CTCFL: variants seen among roughly 807,000 people sequenced by gnomAD.
CTCFL encodes transcriptional repressor CTCFL.
In CTCFL, 36 loss-of-function variants were observed where a neutral mutation model predicts 67.4. The ratio of observed to expected loss-of-function variants is 0.53; its 90% CI spans 0.41 to 0.71. CTCFL has a LOEUF of 0.71. Among genes scored for constraint, CTCFL ranks in the 30% least tolerant of loss-of-function variants. CTCFL has a pLI of 0.00. For synonymous variants in CTCFL, 324 were observed against 302.3 expected (o/e 1.07, Z -0.75); for missense variants, 786 against 835.2 (o/e 0.94, Z 0.73).
intron 9 of CTCFL, among the ~76,000 whole-genome samples, chr20:57,506,040 T>C (rs1038458144): frequency 1.3e-5 from 2 of 152,200 alleles, no homozygotes; most frequent in African/African-American, 2.4e-5. Context: ...ACTTCTTCCA[T>C]TTTATGCTTA....
intron 7 of CTCFL, chr20:57,513,416 C>A: frequency 1.0e-6 from 1 of 988,618 alleles, no homozygotes; most frequent in South Asian, 4.6e-5. Context: ...AGCTACTCCA[C>A]CTTACCCACA....
chr20:57,510,966 T>A (rs4485614), intron 8 of CTCFL, among the ~76,000 whole-genome samples: 1 of 152,102 alleles, frequency 6.6e-6, no homozygotes, highest in Non-Finnish European at 1.5e-5. Context: ...AGACATGTAG[T>A]TTGAAAAGAG....
At chr20:57,505,301 G>T (rs970976355) in intron 9 of CTCFL, among the ~76,000 whole-genome samples, 3 of 151,550 alleles carry the variant, frequency 2.0e-5, no homozygotes, top group Non-Finnish European at 4.4e-5. Flanking sequence ...TTTCGTCTAG[G>T]CTGGAGTGCA....
downstream of CTCFL, chr20:57,496,234 T>G (rs1443950096): frequency 9.4e-6 from 6 of 636,250 alleles, no homozygotes; most frequent in Non-Finnish European, 1.7e-5. Context: ...CGCCTCCCCC[T>G]CTCTCGCTCC....
downstream of CTCFL, chr20:57,495,973 A>G (rs1353996585): frequency 1.6e-5 from 5 of 307,284 alleles, no homozygotes; most frequent in African/African-American, 2.1e-5. Flanking sequence ...TGCGTTTTCA[A>G]ACATATTTAT....
intron 3 of CTCFL, among the ~76,000 whole-genome samples, chr20:57,522,726 G>A (rs1162815659): frequency 6.6e-6 from 1 of 152,124 alleles, no homozygotes; most frequent in African/African-American, 2.4e-5. Context: ...TCTTGGCCCT[G>A]AAGCACACGA....
chr20:57,500,162 T>TCCACAAAA, intron 10 of CTCFL: 1 of 975,274 alleles, frequency 1.0e-6, no homozygotes, highest in Non-Finnish European at 1.2e-6. Context: ...AACACTGAGA[T>TCCACAAAA]CCACAAAACT....
chr20:57,515,979 GA>G (rs1443648517), intron 5 of CTCFL, 145 bp from the exon 6 acceptor site: 1 of 931,602 alleles, frequency 1.1e-6, no homozygotes, highest in Non-Finnish European at 1.6e-6. Context: ...GAAAAAACAT[GA>G]AAAAGTCATC....
intron 8 of CTCFL, among the ~76,000 whole-genome samples, chr20:57,510,688 C>T (rs185179747): frequency 3.0e-4 from 45 of 152,222 alleles, no homozygotes; most frequent in Non-Finnish European, 4.9e-4. Context: ...ATGGTGAAAC[C>T]CCATCTCTAC....
intron 10 of CTCFL, among the ~76,000 whole-genome samples, chr20:57,499,074 G>GGGGGT (rs2067785145): frequency 4.6e-5 from 1 of 21,758 alleles, no homozygotes; most frequent in East Asian, 1.4e-3. Context: ...TGAAGGTGAC[G>GGGGGT]GGGGGGGGGT....
chr20:57,521,821 A>G (rs2069386991), intron 3 of CTCFL, among the ~76,000 whole-genome samples: 1 of 152,230 alleles, frequency 6.6e-6, no homozygotes, highest in Admixed American at 6.5e-5. Flanking sequence ...TCTAGACACG[A>G]AAGGCACATG....
chr20:57,523,771 C>A lies in CTCFL; in HGVS notation c.435G>T (p.Pro145=), dbSNP rs200989490. 6.2e-7 allele frequency: 1 copy of A among 1,613,260 alleles called. No homozygotes were observed. Among genetic ancestry groups the A allele is most frequent in the Non-Finnish European group, 8.5e-7 (1 of 1,180,042 alleles). The change falls in exon 2 of 11, where the codon CCG becomes CCT. Residue 145 remains proline (P), a synonymous_variant. Coordinates refer to ENST00000243914, the MANE Select transcript of CTCFL (RefSeq NM_001386993.1). The part of the protein sequence containing the change: ...AISIQQELYS[P]QEMEVLQFHA... ...GGAACTGCAACACCTCCATCTCTTG[C>A]GGGGAGTACAGCTCTTGCTGGATAC...
chr20:57,518,390 G>T, intron 5 of CTCFL: 3 of 609,712 alleles, frequency 4.9e-6, no homozygotes, highest in Non-Finnish European at 7.3e-6. Flanking sequence ...AAAAATTTCA[G>T]CCAACATTGA....
chr20:57,511,000 A>G (rs1447665492), intron 8 of CTCFL, among the ~76,000 whole-genome samples: 2 of 152,256 alleles, frequency 1.3e-5, no homozygotes, highest in Admixed American at 6.5e-5. Flanking sequence ...TAGCTCTTCC[A>G]AATAACTGTG....
intron 9 of CTCFL, among the ~76,000 whole-genome samples, chr20:57,505,890 G>A (rs894987664): frequency 3.3e-5 from 5 of 152,222 alleles, no homozygotes; most frequent in African/African-American, 1.2e-4. Context: ...GGCAACAGGT[G>A]TTGAAATTTG....
At chr20:57,511,471 G>A (rs2068548736) in intron 8 of CTCFL, among the ~76,000 whole-genome samples, 1 of 152,086 alleles carries the variant, frequency 6.6e-6, no homozygotes, top group African/African-American at 2.4e-5. Flanking sequence ...GTGTGAGTCT[G>A]TAACATCATG....
chr20:57,519,338 G>A lies in CTCFL; in HGVS notation c.794C>T (p.Thr265Ile), dbSNP rs765513168. The stretch of plus-strand genomic sequence containing the variant: ...ATTAAAACTTGACATTCTAGAAGAG[G>A]TGAACATGCAGACATCACAGTGGAA... Reference protein sequence around the residue: ...GTFHCDVCMFTSSRMSSFNRH... With the variant: ...GTFHCDVCMFISSRMSSFNRH... The change falls in exon 4 of 11, where the codon ACC becomes ATC. Residue 265 changes from threonine to isoleucine, a missense_variant. Coordinates refer to ENST00000243914, the MANE Select transcript of CTCFL (RefSeq NM_001386993.1). The A allele has an allele frequency of 2.5e-6, 4 of 1,614,146 alleles. No homozygotes were observed. Among genetic ancestry groups the A allele is most frequent in the Non-Finnish European group, 3.4e-6 (4 of 1,180,008 alleles).
At chr20:57,521,884 G>A (rs923311004) in intron 3 of CTCFL, among the ~76,000 whole-genome samples, 13 of 152,148 alleles carry the variant, frequency 8.5e-5, no homozygotes, top group African/African-American at 2.2e-4. Context: ...GAAAATCTAC[G>A]GAAACAAAAA....
In CTCFL at chr20:57,512,692, G is replaced by C. The variant is rs1361642185; in HGVS notation, c.1391C>G (p.Ser464Cys). ...SAAELKCRYC[S>C]AVFHERYALI... ...GGCATAGCGTTCATGGAAGACAGCA[G>C]AACAGTAGCGGCATTTCAGCTCTGC... is the stretch of plus-strand genomic sequence containing the variant. The change falls in exon 8 of 11, where the codon TCT (serine) becomes TGT (cysteine). Residue 464 changes from serine (S) to cysteine (C), a missense_variant. This residue lies in a region of CTCFL where 254 missense variants were observed against 333.9 expected (regional missense o/e 0.76). Coordinates refer to ENST00000243914, the MANE Select transcript of CTCFL (RefSeq NM_001386993.1). 6.2e-7 allele frequency: 1 copy of C among 1,614,236 alleles called. No homozygotes were observed. The highest frequency in any genetic ancestry group is 8.5e-7 in the Non-Finnish European group (1 of 1,180,020).
Sources: allele counts gnomAD v4.1 joint callset (sites outside exome capture counted in the v4.1 genomes callset), GRCh38; gene constraint gnomAD v4.1.1; regional missense constraint gnomAD v4.1.1; transcripts MANE v1.5; gene names NCBI Gene and HGNC (gene_info 2026-07-23, HGNC 2026-07-21).